The following DST variants were observed in gnomAD, a reference collection of about 807,000 sequenced individuals.
DST encodes the protein dystonin, also known as bullous pemphigoid antigen.
DST carries 253 observed loss-of-function variants against 875.2 expected under a neutral mutation model. The observed-to-expected ratio is 0.29, with a 90% CI of 0.26 to 0.32. The LOEUF is 0.32. Among genes scored for constraint, DST ranks in the 10% least tolerant of loss-of-function variants. The pLI is 1.00. For missense variants in DST, 8,287 were observed against 9,111.6 expected, an observed-to-expected ratio of 0.91 and a Z score of 3.68; for synonymous variants, 3,124 against 3,197.1, an observed-to-expected ratio of 0.98 and a Z score of 0.77.
At chr6:56,687,031 C>T (rs185327197) in intron 9 of DST, among the ~76,000 whole-genome samples, 5 of 152,224 alleles carry the variant, frequency 3.3e-5, no homozygotes, top group Non-Finnish European at 2.9e-5. Context: ...AGTGACTCCC[C>T]GTAACACTGC....
chr6:56,573,124 A>AT (rs149674833), intron 51 of DST, 60 bp from the exon 52 acceptor site: 2 of 1,363,922 alleles, frequency 1.5e-6, no homozygotes, highest in Non-Finnish European at 2.0e-6. Flanking sequence ...ATGTGACAGA[A>AT]TTTTTTTAAA....
chr6:56,615,003 T>C, intron 36 of DST: 3 of 995,128 alleles, frequency 3.0e-6, no homozygotes, highest in South Asian at 4.5e-5. Flanking sequence ...AACATTTTAA[T>C]ATGCAAAGAA....
intron 92 of DST, among the ~76,000 whole-genome samples, chr6:56,474,606 T>C (rs1157483213): frequency 2.0e-5 from 3 of 152,140 alleles, no homozygotes; most frequent in African/African-American, 7.2e-5. Context: ...GTCATGTGAA[T>C]AAAATAACCT....
intron 3 of DST, among the ~76,000 whole-genome samples, chr6:56,889,387 C>T (rs1318091075): frequency 6.6e-6 from 1 of 152,118 alleles, no homozygotes; most frequent in African/African-American, 2.4e-5. Context: ...TGTGTTAGGC[C>T]CATATGTCCT....
chr6:56,857,579 T>C (rs1768595500), intron 3 of DST, among the ~76,000 whole-genome samples: 1 of 152,214 alleles, frequency 6.6e-6, no homozygotes, highest in Admixed American at 6.5e-5. Context: ...GCTATTCATT[T>C]ATTAATAATG....
chr6:56,597,587 G>C (rs1460887277), intron 47 of DST, among the ~76,000 whole-genome samples, 153 bp downstream of exon 47: 2 of 152,054 alleles, frequency 1.3e-5, no homozygotes, highest in Non-Finnish European at 2.9e-5. Context: ...GACTTGCTTA[G>C]AACTCTCATA....
At position 56,631,922 on chromosome 6, in the gene DST, A is replaced by G. The variant is rs374766138; in HGVS notation, c.3924T>C (p.Asp1308=). 1.4e-5 allele frequency: 22 copies of G among 1,613,944 alleles called. No individual in the cohort carries two copies. In the Admixed American group the frequency reaches 2.0e-4, roughly 15 times the overall value. The part of the protein sequence containing the change: ...IRQIRTPLER[D]DLHESVFRIT... Reference sequence around the variant, plus strand: ...TTCTGAACACACTTTCATGCAAATCATCTCTTTCCAGGGGAGTTCGAATCT... The same window carrying G: ...TTCTGAACACACTTTCATGCAAATCGTCTCTTTCCAGGGGAGTTCGAATCT... The change falls in exon 29 of 104, where the codon GAT becomes GAC. Residue 1308 remains aspartate, a synonymous_variant. Coordinates refer to ENST00000680361, the MANE Select transcript of DST (RefSeq NM_001374736.1).
In DST at chr6:56,573,031, T is replaced by A. The variant is rs1389738128; in HGVS notation, c.13270A>T (p.Ser4424Cys). ...LEQDIAGRQS[S>C]INAMNEKVKK... ...ACTTTTTCATTCATGGCATTTATACTGCTCTGACGACCTGCAATATCCTGT... is the reference window on the plus strand; with the variant it reads ...ACTTTTTCATTCATGGCATTTATACAGCTCTGACGACCTGCAATATCCTGT... The change falls in exon 52 of 104, where the codon AGT (serine) becomes TGT (cysteine). Residue 4424 changes from serine to cysteine, a missense_variant. Coordinates refer to ENST00000680361, the MANE Select transcript of DST (RefSeq NM_001374736.1). 6.3e-7 allele frequency: 1 copy of A among 1,595,306 alleles called. No homozygotes were observed. The highest frequency in any genetic ancestry group is 1.3e-5 in the African/African-American group (1 of 74,224).
chr6:56,461,490 T>C (rs557288469), intron 102 of DST: 5 of 152,318 alleles, frequency 3.3e-5, no homozygotes, highest in East Asian at 1.9e-4. Context: ...TTATGAAACA[T>C]ACCACTCAAG....
At position 56,593,764 on chromosome 6, in the gene DST, T is replaced by C; in HGVS notation, c.12625A>G (p.Ser4209Gly). Residue 4209 changes from serine to glycine, a missense_variant, in exon 48 of 104, where the codon AGC becomes GGC. This residue lies in a region of DST where 1,513 missense variants were observed against 1,677.8 expected (regional missense o/e 0.90). Coordinates refer to ENST00000680361, the MANE Select transcript of DST (RefSeq NM_001374736.1). ...TCAACCTTGCCACCGTCTCTCTTGC[T>C]GCAAGATTTGGCAGCTTCCAACACT... is the stretch of plus-strand genomic sequence containing the variant. ...NRVLEAAKSC[S>G]KRDGGKVDTS... 1 of 1,613,990 alleles carries C rather than the reference T, an allele frequency of 6.2e-7. No homozygotes were observed. The highest frequency in any genetic ancestry group is 8.5e-7 in the Non-Finnish European group (1 of 1,179,878).
intron 78 of DST, among the ~76,000 whole-genome samples, chr6:56,502,898 A>C (rs1047739887): frequency 1.1e-4 from 17 of 152,120 alleles, no homozygotes; most frequent in Admixed American, 2.0e-4. Context: ...ATGTCTCTGC[A>C]TATGGAGAGT....
At chr6:56,476,074 T>G in intron 92 of DST, 75 bp downstream of exon 92, 6 of 1,257,224 alleles carry the variant, frequency 4.8e-6, no homozygotes, top group Non-Finnish European at 6.5e-6. Context: ...AGCAATGTTT[T>G]GAGAAGTACA....
chr6:56,928,067 C>T lies in DST; in HGVS notation c.216+25718G>A, dbSNP rs149915862. On this transcript the variant is annotated intron_variant, in intron 2 of 103. Transcript: ENST00000680361. The stretch of plus-strand genomic sequence containing the variant: ...TTTAGGAGCTCAGAGGAGGGAAGTG[C>T]ATCTGAGTTGGGGCTTATACCTCTG... Among the ~76,000 whole-genome samples the T allele has an allele frequency of 2.7e-3, 404 of 152,282 alleles. 2 individuals are homozygous for T. Among genetic ancestry groups the T allele is most frequent in the Middle Eastern group, 0.02 (6 of 294 alleles).
In DST at chr6:56,593,792, G is replaced by C; in HGVS notation, c.12597C>G (p.Asn4199Lys). 3 of 1,613,900 alleles carry C rather than the reference G, an allele frequency of 1.9e-6. No homozygotes were observed. The highest frequency in any genetic ancestry group is 2.5e-6 in the Non-Finnish European group (3 of 1,179,872). ...GDLRYITISGNRVLEAAKSCS... is the reference protein window; with the variant it reads ...GDLRYITISGKRVLEAAKSCS... Reference sequence around the variant, plus strand: ...AAGATTTGGCAGCTTCCAACACTCTGTTTCCAGAAATTGTGATGTATCTCA... The same window carrying C: ...AAGATTTGGCAGCTTCCAACACTCTCTTTCCAGAAATTGTGATGTATCTCA... The change falls in exon 48 of 104, where the codon AAC becomes AAG. Residue 4199 changes from asparagine to lysine, a missense_variant. Around this residue, in one of 10 missense-constraint regions of DST, gnomAD observed 1,513 missense variants for 1,677.8 expected, o/e 0.90. Coordinates refer to ENST00000680361, the MANE Select transcript of DST (RefSeq NM_001374736.1).
chr6:56,620,660 C>G lies in DST; in HGVS notation c.4929+3870G>C, dbSNP rs528372361. On this transcript the variant is annotated intron_variant, in intron 36 of 103. Coordinates refer to ENST00000680361, the MANE Select transcript of DST (RefSeq NM_001374736.1). Reference sequence around the variant, plus strand: ...ATTCTCAAGCACTGTTGCCTTCTGACGCTGAAGCAGATCTGAATATGCCCC... The same window carrying G: ...ATTCTCAAGCACTGTTGCCTTCTGAGGCTGAAGCAGATCTGAATATGCCCC... The G allele has an allele frequency of 1.1e-5, 17 of 1,614,008 alleles. No homozygotes were observed. Among genetic ancestry groups the G allele is most frequent in the Non-Finnish European group, 1.4e-5 (17 of 1,180,048 alleles).
At chr6:56,675,279 C>T (rs762358734) in intron 9 of DST, among the ~76,000 whole-genome samples, 25 of 152,154 alleles carry the variant, frequency 1.6e-4, no homozygotes, top group South Asian at 6.2e-4. Flanking sequence ...AAGACTTACA[C>T]GTAAGACCTA....
intron 37 of DST, among the ~76,000 whole-genome samples, chr6:56,612,513 T>C (rs369380783): frequency 2.6e-5 from 4 of 152,380 alleles, no homozygotes; most frequent in South Asian, 4.1e-4. Flanking sequence ...CACTTTCTCC[T>C]AATTCCTCAG....
chr6:56,693,534 G>A (rs1027080889), intron 9 of DST: 1 of 372,550 alleles, frequency 2.7e-6, no homozygotes, highest in African/African-American at 2.2e-5. Flanking sequence ...AATGAAGTTT[G>A]CACTTAACCT....
chr6:56,788,635 G>A (rs933544116), intron 4 of DST, among the ~76,000 whole-genome samples: 4 of 152,168 alleles, frequency 2.6e-5, no homozygotes, highest in African/African-American at 9.7e-5. Flanking sequence ...ATTAAGAAAT[G>A]AGTTCTGTTA....
Sources: gnomAD v4.1 joint callset for allele counts (sites outside exome capture counted in the v4.1 genomes callset) on GRCh38, gnomAD v4.1.1 for gene constraint, gnomAD v4.1.1 regional missense constraint, MANE v1.5 for transcripts, NCBI Gene and HGNC (gene_info 2026-07-23, HGNC 2026-07-21) for gene names.